Variants in EEA1 observed in about 807,000 individuals in gnomAD.
EEA1 encodes early endosome antigen 1, 162kD.
A neutral mutation model predicts 209.2 loss-of-function variants in EEA1; 111 were observed. That is an observed-to-expected ratio of 0.53 (90% CI 0.45 to 0.62). EEA1 has a LOEUF of 0.62. EEA1 is among the 20% of genes least tolerant of loss of function. The pLI, the probability that EEA1 is intolerant of heterozygous loss-of-function variation, is 0.00. For synonymous variants in EEA1, 536 were observed against 540.6 expected, an observed-to-expected ratio of 0.99 and a Z score of 0.12; for missense variants, 1,343 against 1,530.8, an observed-to-expected ratio of 0.88 and a Z score of 2.05.
chr12:92,822,114 C>T (rs901852276), intron 13 of EEA1, among the ~76,000 whole-genome samples: 1 of 151,616 alleles, frequency 6.6e-6, no homozygotes, highest in Non-Finnish European at 1.5e-5. Flanking sequence ...CCATTTCACC[C>T]TCCCCCATTG....
At chr12:92,878,574 G>A (rs909197275) in intron 2 of EEA1, among the ~76,000 whole-genome samples, 1 of 152,102 alleles carries the variant, frequency 6.6e-6, no homozygotes, top group Non-Finnish European at 1.5e-5. Context: ...AAAGTCCTAA[G>A]CTTCCACCTT....
At chr12:92,926,395 G>C (rs1397908792) in intron 1 of EEA1, among the ~76,000 whole-genome samples, 3 of 152,168 alleles carry the variant, frequency 2.0e-5, no homozygotes, top group African/African-American at 7.2e-5. Flanking sequence ...TGAGAAATAA[G>C]ATTAGCAGGG....
In EEA1 at chr12:92,832,777, A is replaced by G; in HGVS notation, c.989T>C (p.Val330Ala). Residue 330 changes from valine to alanine, a missense_variant, in exon 11 of 29, where the codon GTG (valine) becomes GCG (alanine). Coordinates refer to ENST00000322349, the MANE Select transcript of EEA1 (RefSeq NM_003566.4). ...KLEEKHNEES[V>A]SKKNIQATLH... Reference sequence around the variant, plus strand: ...GGTTGCCTGAATATTCTTTTTACTCACAGATTCTTCATTATGTTTCTCCTC... The same window carrying G: ...GGTTGCCTGAATATTCTTTTTACTCGCAGATTCTTCATTATGTTTCTCCTC... 6.2e-7 allele frequency: 1 copy of G among 1,613,784 alleles called. No individual in the cohort carries two copies. Among genetic ancestry groups the G allele is most frequent in the Non-Finnish European group, 8.5e-7 (1 of 1,179,932 alleles).
At position 92,884,414 on chromosome 12, in the gene EEA1, A is replaced by C. The variant is rs1879293489; in HGVS notation, c.117+7215T>G. ...AGGTGGTTTTGGCAGGAATGACAAC[A>C]CTGGTAGTGGAGGAAACTTCAGTGG... is the stretch of plus-strand genomic sequence containing the variant. On this transcript the variant is annotated intron_variant, in intron 2 of 28. Transcript: ENST00000322349. 3 of 1,307,420 alleles carry C rather than the reference A, an allele frequency of 2.3e-6. No individual in the cohort carries two copies. The South Asian group carries it at 3.5e-5, about 15-fold the overall frequency. The allele number at this position is 1,307,420 out of a possible 1,614,324, so 81.0% of individuals were successfully genotyped here.
At position 92,802,620 on chromosome 12, in the gene EEA1, A is replaced by G. The variant is rs1326105327; in HGVS notation, c.2454T>C (p.Thr818=). 3.7e-6 allele frequency: 6 copies of G among 1,605,324 alleles called. No individual in the cohort carries two copies. The South Asian group carries it at 6.8e-5, about 18-fold the overall frequency. The part of the protein sequence containing the change: ...EKKILKQDFE[T]LSQETKIQHE... ...GCTGAATCTTTGTTTCTTGACTTAA[A>G]GTTTCAAAATCTTGTTTCAGGATTT... The change falls in exon 19 of 29, where the codon ACT becomes ACC. Residue 818 remains threonine, a synonymous_variant. Transcript: ENST00000322349.
chr12:92,809,883 G>T (rs977030606), intron 17 of EEA1, among the ~76,000 whole-genome samples: 1 of 152,092 alleles, frequency 6.6e-6, no homozygotes, highest in African/African-American at 2.4e-5. Context: ...GTAATTATAA[G>T]ATATTTAAAA....
chr12:92,908,059 A>G (rs754179528), intron 1 of EEA1, among the ~76,000 whole-genome samples: 1 of 151,848 alleles, frequency 6.6e-6, no homozygotes, highest in Non-Finnish European at 1.5e-5. Context: ...ACAATAGCTA[A>G]AACATGTAAA....
At chr12:92,839,728 G>A (rs924102709) in intron 10 of EEA1, among the ~76,000 whole-genome samples, 14 of 151,972 alleles carry the variant, frequency 9.2e-5, no homozygotes, top group African/African-American at 3.4e-4. Flanking sequence ...TTTAAATTTC[G>A]ATATGACAAG....
intron 3 of EEA1, chr12:92,858,473 T>C (rs1483445696): frequency 1.4e-5 from 15 of 1,101,616 alleles, no homozygotes; most frequent in Non-Finnish European, 4.2e-6. Flanking sequence ...AAGACATTGG[T>C]GTTGGAGACC....
chr12:92,777,834 G>C (rs1469476284), intron 26 of EEA1, 107 bp downstream of exon 26: 1 of 1,273,022 alleles, frequency 7.9e-7, no homozygotes, highest in African/African-American at 1.5e-5. Context: ...ACCTATAGAG[G>C]CTTATGCACT....
At chr12:92,825,551 T>C (rs897038238) in intron 13 of EEA1, among the ~76,000 whole-genome samples, 6 of 152,058 alleles carry the variant, frequency 3.9e-5, no homozygotes, top group African/African-American at 1.4e-4. Flanking sequence ...AAATGAAAAC[T>C]TCTTTCAATA....
rs1162651246 is a variant in EEA1 at position 92,779,312 on chromosome 12, G to A, written c.3469-12C>T. ...AGATTTGTTATCTCCTGTTGAAAAA[G>A]TAGGGCCAAAAATAAATCATCCTTC... On this transcript the variant is annotated splice_polypyrimidine_tract_variant and intron_variant, in intron 24 of 28. Transcript: ENST00000322349. The A allele has an allele frequency of 6.4e-7, 1 of 1,568,578 alleles. No homozygotes were observed.
chr12:92,816,446 C>CA (rs1347070785), intron 14 of EEA1, 46 bp from the exon 15 acceptor site: 2 of 1,553,358 alleles, frequency 1.3e-6, no homozygotes, highest in African/African-American at 1.4e-5. Context: ...AATGACATAA[C>CA]AAAAATTCAG....
intron 21 of EEA1, among the ~76,000 whole-genome samples, chr12:92,796,328 AT>A (rs1355894954): frequency 6.6e-6 from 1 of 152,102 alleles, no homozygotes; most frequent in Non-Finnish European, 1.5e-5. Context: ...GCTATATATA[AT>A]GTTTTAAATC....
rs1592694806 is a variant in EEA1, at chr12:92,774,309, C to A, written c.*1702G>T. 1.3e-5 allele frequency: 2 copies of A among 151,354 alleles called. No individual in the cohort carries two copies. Among genetic ancestry groups the A allele is most frequent in the Non-Finnish European group, 3.0e-5 (2 of 67,502 alleles). The allele number at this position is 151,354 out of a possible 1,614,324, so 9.4% of individuals were successfully genotyped here. A position where few individuals can be genotyped will look rare whatever the true frequency, so the allele number is the denominator to read the frequency against. ...AATCAATGTTCTTAATAGCTAATGACAACAGGGTTTACTTAAATTTTTTTT... is the reference window on the plus strand; with the variant it reads ...AATCAATGTTCTTAATAGCTAATGAAAACAGGGTTTACTTAAATTTTTTTT... On this transcript the variant is annotated 3_prime_UTR_variant, in exon 29 of 29. Transcript: ENST00000322349.
At chr12:92,804,119 C>T (rs1216599775) in intron 18 of EEA1, among the ~76,000 whole-genome samples, 2 of 152,024 alleles carry the variant, frequency 1.3e-5, no homozygotes, top group Non-Finnish European at 2.9e-5. Flanking sequence ...AAGAACAGCA[C>T]TGTAATTGTT....
intron 2 of EEA1, among the ~76,000 whole-genome samples, chr12:92,881,069 C>T (rs188984374): frequency 2.5e-4 from 38 of 152,244 alleles, no homozygotes; most frequent in Admixed American, 1.6e-3. Flanking sequence ...GGCACATGAT[C>T]AGGGATGAGG....
At chr12:92,923,684 T>C (rs1222250747) in intron 1 of EEA1, among the ~76,000 whole-genome samples, 1 of 152,126 alleles carries the variant, frequency 6.6e-6, no homozygotes, top group Non-Finnish European at 1.5e-5. Flanking sequence ...ATTACACTTA[T>C]CACATTGTTT....
intron 10 of EEA1, among the ~76,000 whole-genome samples, chr12:92,840,826 T>C (rs1259632868): frequency 6.6e-6 from 1 of 152,206 alleles, no homozygotes; most frequent in Non-Finnish European, 1.5e-5. Flanking sequence ...ATGGTCTGAA[T>C]GTCTGTGTCC....
Sources: allele counts gnomAD v4.1 joint callset (sites outside exome capture counted in the v4.1 genomes callset), GRCh38; gene constraint gnomAD v4.1.1; transcripts MANE v1.5; gene names NCBI Gene and HGNC (gene_info 2026-07-23, HGNC 2026-07-21).